Variants in STAG1 observed in about 807,000 individuals in gnomAD.
The protein encoded by STAG1 is cohesin subunit SA-1.
A neutral mutation model predicts 170.9 loss-of-function variants in STAG1; 26 were observed. The observed-to-expected ratio is 0.15, with a 90% CI of 0.11 to 0.21. The LOEUF is 0.21. STAG1 is among the 10% of genes least tolerant of loss of function. STAG1 has a pLI of 1.00. For missense variants in STAG1, 964 were observed against 1,509.5 expected, an observed-to-expected ratio of 0.64 and a Z score of 5.99; for synonymous variants, 514 against 497.7, an observed-to-expected ratio of 1.03 and a Z score of -0.44.
chr3:136,369,058 T>C, intron 24 of STAG1, 50 bp downstream of exon 24: 1 of 1,385,858 alleles, frequency 7.2e-7, no homozygotes, highest in Non-Finnish European at 9.5e-7. Flanking sequence ...TCCTATCTTT[T>C]GGGGTTGGTA....
Position 136,642,142 on chromosome 3 carries a change from A to C in STAG1, c.-83-11161T>G, listed in dbSNP as rs188434060. Among the ~76,000 whole-genome samples, 287 of 152,182 alleles carry C rather than the reference A, an allele frequency of 1.9e-3. 2 individuals carry two copies. Among genetic ancestry groups the C allele is most frequent in the African/African-American group, 6.6e-3 (276 of 41,532 alleles). On this transcript the variant is annotated intron_variant, in intron 1 of 33. Coordinates refer to ENST00000383202, the MANE Select transcript of STAG1 (RefSeq NM_005862.3). ...CCTACTCCTAGTCAATATGGTGTCT[A>C]TCTCTTGAAGATCAAAAATTATAAC...
At chr3:136,535,772 T>C (rs1015705746) in intron 6 of STAG1, among the ~76,000 whole-genome samples, 2 of 152,186 alleles carry the variant, frequency 1.3e-5, no homozygotes, top group Non-Finnish European at 2.9e-5. Flanking sequence ...CCAAATACCC[T>C]GACTTGATCA....
At chr3:136,411,848 A>G (rs2087632297) in intron 21 of STAG1, among the ~76,000 whole-genome samples, 1 of 151,512 alleles carries the variant, frequency 6.6e-6, no homozygotes, top group South Asian at 2.1e-4. Context: ...TGGGAGGCTG[A>G]GGCAGAGAAT....
At chr3:136,714,307 G>A (rs1271592384) in intron 1 of STAG1, among the ~76,000 whole-genome samples, 1 of 152,148 alleles carries the variant, frequency 6.6e-6, no homozygotes, top group African/African-American at 2.4e-5. Flanking sequence ...TTAAGAACAA[G>A]AGAACTGGCC....
chr3:136,572,601 CAAAAAA>C (rs11379268), intron 4 of STAG1, among the ~76,000 whole-genome samples: 9 of 66,700 alleles, frequency 1.3e-4, no homozygotes, highest in Non-Finnish European at 2.5e-4. Flanking sequence ...AAGACTGTCT[CAAAAAA>C]AAAAAAAAAA....
chr3:136,553,404 T>C (rs7621025), intron 5 of STAG1, among the ~76,000 whole-genome samples: 114,226 of 152,132 alleles, frequency 0.75, 42,986 homozygotes, highest in East Asian at 0.86. Flanking sequence ...AAAACAATAC[T>C]CCCTGCCCCT....
intron 23 of STAG1, among the ~76,000 whole-genome samples, chr3:136,376,013 T>TAATAA (rs1163167497): frequency 2.5e-4 from 4 of 15,714 alleles, no homozygotes; most frequent in Non-Finnish European, 3.1e-4. Flanking sequence ...AATAAATAAT[T>TAATAA]AACAAAATAA....
chr3:136,523,073 G>A (rs1934774370), intron 6 of STAG1, among the ~76,000 whole-genome samples: 1 of 152,094 alleles, frequency 6.6e-6, no homozygotes, highest in South Asian at 2.1e-4. Flanking sequence ...TAATCCTTTG[G>A]ATAGATACCC....
At chr3:136,517,208 T>C (rs1934421169) in intron 7 of STAG1, among the ~76,000 whole-genome samples, 1 of 152,206 alleles carries the variant, frequency 6.6e-6, no homozygotes, top group Non-Finnish European at 1.5e-5. Context: ...GTGATGATCT[T>C]GACCACATTT....
intron 10 of STAG1, among the ~76,000 whole-genome samples, chr3:136,475,556 G>C (rs1351131967): frequency 2.6e-5 from 4 of 152,146 alleles, no homozygotes; most frequent in African/African-American, 9.7e-5. Context: ...ACCAAGAGTG[G>C]TCCTGGGAAT....
chr3:136,460,680 T>G, intron 13 of STAG1, among the ~76,000 whole-genome samples: 1 of 145,858 alleles, frequency 6.9e-6, no homozygotes, highest in African/African-American at 2.6e-5. Context: ...ACTAATAAAG[T>G]CTCCCCCCCC....
intron 1 of STAG1, among the ~76,000 whole-genome samples, chr3:136,638,767 T>C (rs931201048): frequency 1.3e-5 from 2 of 151,978 alleles, no homozygotes; most frequent in Non-Finnish European, 2.9e-5. Flanking sequence ...CTGGGCATGG[T>C]AGCATGCGCC....
chr3:136,540,095 CATAT>C (rs1439519724), intron 6 of STAG1, among the ~76,000 whole-genome samples: 2 of 151,970 alleles, frequency 1.3e-5, no homozygotes, highest in Non-Finnish European at 2.9e-5. Flanking sequence ...AACCAAATGA[CATAT>C]ATAGTCTTTT....
At position 136,506,948 on chromosome 3, in the gene STAG1, A is replaced by G. The variant is rs543702277; in HGVS notation, c.677-4169T>C. On this transcript the variant is annotated intron_variant, in intron 7 of 33. Transcript: ENST00000383202. ...AAAAATACAGACAAGATAGCCTTAC[A>G]GTGTGTATATGCTATCATTTGTGCA... Among the ~76,000 whole-genome samples the G allele has an allele frequency of 2.0e-5, 3 of 152,334 alleles. No homozygotes were observed. The East Asian group carries it at 5.8e-4, about 29-fold the overall frequency.
At chr3:136,694,325 T>C (rs187920010) in intron 1 of STAG1, among the ~76,000 whole-genome samples, 134 of 151,980 alleles carry the variant, frequency 8.8e-4, no homozygotes, top group South Asian at 1.9e-3. Context: ...CTGATAAAGA[T>C]TGGAAAGTGG....
At chr3:136,432,320 T>G (rs910728806) in intron 16 of STAG1, among the ~76,000 whole-genome samples, 14 of 152,200 alleles carry the variant, frequency 9.2e-5, no homozygotes, top group African/African-American at 3.4e-4. Flanking sequence ...AATATACTTA[T>G]TAAAAGGCCT....
chr3:136,706,523 A>C (rs1383556834), intron 1 of STAG1, among the ~76,000 whole-genome samples: 1 of 152,260 alleles, frequency 6.6e-6, no homozygotes, highest in Non-Finnish European at 1.5e-5. Flanking sequence ...AAGAAGGTGA[A>C]AGATTTGCAG....
At chr3:136,732,694 C>G (rs1172555853) in intron 1 of STAG1, among the ~76,000 whole-genome samples, 1 of 152,124 alleles carries the variant, frequency 6.6e-6, no homozygotes, top group Non-Finnish European at 1.5e-5. Context: ...ACTGCAACCT[C>G]TACCTCCCAG....
At chr3:136,697,924 G>A (rs1462873164) in intron 1 of STAG1, among the ~76,000 whole-genome samples, 1 of 152,050 alleles carries the variant, frequency 6.6e-6, no homozygotes, top group East Asian at 1.9e-4. Flanking sequence ...AACATCAGGT[G>A]CATTTAGCAG....
Sources: gnomAD v4.1 joint callset for allele counts (sites outside exome capture counted in the v4.1 genomes callset) on GRCh38, gnomAD v4.1.1 for gene constraint, MANE v1.5 for transcripts, NCBI Gene and HGNC (gene_info 2026-07-23, HGNC 2026-07-21) for gene names.